CYP7B1: variants seen among roughly 807,000 people sequenced by gnomAD.
CYP7B1 encodes the protein cytochrome P450 7B1.
A neutral mutation model predicts 42.7 loss-of-function variants in CYP7B1; 29 were observed. The ratio of observed to expected loss-of-function variants is 0.68; its 90% CI spans 0.51 to 0.93. The LOEUF (loss-of-function observed/expected upper bound fraction) is 0.93. Among genes scored for constraint, CYP7B1 ranks in the 40% least tolerant of loss-of-function variants. CYP7B1 has a pLI of 0.00. For missense variants in CYP7B1, 655 were observed against 600.5 expected, an observed-to-expected ratio of 1.09 and a Z score of -0.95; for synonymous variants, 235 against 218.2, an observed-to-expected ratio of 1.08 and a Z score of -0.68.
chr8:64,620,028 T>TA (rs982292100), intron 2 of CYP7B1, among the ~76,000 whole-genome samples: 8 of 151,494 alleles, frequency 5.3e-5, no homozygotes, highest in Non-Finnish European at 8.8e-5. Flanking sequence ...CAAAAAACCT[T>TA]AAAAAAAATT....
At chr8:64,639,009 C>G (rs572922097) in intron 1 of CYP7B1, among the ~76,000 whole-genome samples, 2 of 152,180 alleles carry the variant, frequency 1.3e-5, no homozygotes, top group Admixed American at 1.3e-4. Context: ...TCTAGTGTCT[C>G]TCTCTCCTTC....
intron 5 of CYP7B1, among the ~76,000 whole-genome samples, chr8:64,602,087 C>T (rs939335314): frequency 6.6e-6 from 1 of 152,150 alleles, no homozygotes; most frequent in Non-Finnish European, 1.5e-5. Context: ...TGTACAGCTT[C>T]CTGTGTGCTA....
chr8:64,686,164 A>T (rs372534607), intron 1 of CYP7B1, among the ~76,000 whole-genome samples: 1,412 of 18,336 alleles, frequency 0.077, no homozygotes, highest in Middle Eastern at 0.12. Flanking sequence ...GCCTCTGCCC[A>T]GCCGCCCCTA....
chr8:64,605,058 C>T (rs1297936817), intron 4 of CYP7B1, among the ~76,000 whole-genome samples: 13 of 152,116 alleles, frequency 8.5e-5, no homozygotes, highest in Middle Eastern at 3.2e-3. Flanking sequence ...TCCAGCAAGG[C>T]TTGGGGGCAT....
chr8:64,596,985 A>G (rs1805129205), intron 5 of CYP7B1, 56 bp from the exon 6 acceptor site: 1 of 1,468,160 alleles, frequency 6.8e-7, no homozygotes, highest in African/African-American at 1.4e-5. Flanking sequence ...TTTGAGTTCA[A>G]GTCCACAAAG....
At chr8:64,770,396 T>TGA (rs1804202376) in intron 1 of CYP7B1, among the ~76,000 whole-genome samples, 3 of 152,296 alleles carry the variant, frequency 2.0e-5, no homozygotes, top group Non-Finnish European at 4.4e-5. Flanking sequence ...ATCTCAGAGC[T>TGA]GAGATATGAT....
intron 5 of CYP7B1, 57 bp downstream of exon 5, chr8:64,604,625 G>A (rs1805248250): frequency 6.2e-7 from 1 of 1,600,458 alleles, no homozygotes; most frequent in South Asian, 1.1e-5. Context: ...AGGGATGGAA[G>A]AGGAATGTGC....
chr8:64,716,221 C>A (rs1308156941), intron 1 of CYP7B1, among the ~76,000 whole-genome samples: 1 of 152,080 alleles, frequency 6.6e-6, no homozygotes, highest in African/African-American at 2.4e-5. Context: ...GTAAGAACTT[C>A]TTTGTGATAT....
intron 1 of CYP7B1, among the ~76,000 whole-genome samples, chr8:64,740,316 A>G (rs1214492943): frequency 1.3e-5 from 2 of 152,086 alleles, no homozygotes; most frequent in Admixed American, 6.5e-5. Flanking sequence ...ATTCCTAAAT[A>G]AAACATGGGT....
chr8:64,608,606 AAG>A (rs1805319171), intron 4 of CYP7B1, among the ~76,000 whole-genome samples: 1 of 150,106 alleles, frequency 6.7e-6, no homozygotes, highest in Admixed American at 6.6e-5. Context: ...GTGGTTATAA[AAG>A]GGGGAGAGGG....
intron 4 of CYP7B1, among the ~76,000 whole-genome samples, chr8:64,606,425 A>G (rs1805283567): frequency 6.6e-6 from 1 of 152,226 alleles, no homozygotes; most frequent in African/African-American, 2.4e-5. Flanking sequence ...GTGAAATGGT[A>G]GCTGACATAT....
chr8:64,704,894 G>GA (rs1252477416), intron 1 of CYP7B1, among the ~76,000 whole-genome samples: 1 of 151,912 alleles, frequency 6.6e-6, no homozygotes, highest in Admixed American at 6.6e-5. Context: ...CTTATTGGGG[G>GA]AAAAAATCAA....
chr8:64,643,825 C>G (rs967131082), intron 1 of CYP7B1, among the ~76,000 whole-genome samples: 5 of 152,270 alleles, frequency 3.3e-5, no homozygotes, highest in Admixed American at 1.3e-4. Context: ...TTCTGTTTCT[C>G]CATAACAAGC....
chr8:64,606,497 A>G (rs1188098054), intron 4 of CYP7B1, among the ~76,000 whole-genome samples: 1 of 152,238 alleles, frequency 6.6e-6, no homozygotes, highest in African/African-American at 2.4e-5. Flanking sequence ...CACAAAAGCA[A>G]AATAATTGTG....
chr8:64,657,680 T>A (rs1806140631), intron 1 of CYP7B1, among the ~76,000 whole-genome samples: 1 of 152,226 alleles, frequency 6.6e-6, no homozygotes, highest in African/African-American at 2.4e-5. Flanking sequence ...AGAGACATTA[T>A]AGAATGGAGA....
intron 4 of CYP7B1, among the ~76,000 whole-genome samples, chr8:64,607,870 C>T (rs1805305483): frequency 6.6e-6 from 1 of 152,072 alleles, no homozygotes; most frequent in Admixed American, 6.5e-5. Context: ...AATGCATTGT[C>T]GAAAAATGAC....
chr8:64,769,435 T>C (rs1804179246), intron 1 of CYP7B1, among the ~76,000 whole-genome samples: 1 of 152,324 alleles, frequency 6.6e-6, no homozygotes, highest in South Asian at 2.1e-4. Flanking sequence ...ATAAAGTCTA[T>C]AAAAGTTGAG....
chr8:64,631,991 T>A (rs1476172427), intron 1 of CYP7B1, among the ~76,000 whole-genome samples: 2 of 152,160 alleles, frequency 1.3e-5, no homozygotes, highest in Non-Finnish European at 2.9e-5. Flanking sequence ...GTGCAGCTGC[T>A]ATGAAGAACA....
chr8:64,724,781 C>T (rs1034084493), intron 1 of CYP7B1, among the ~76,000 whole-genome samples: 2 of 152,148 alleles, frequency 1.3e-5, no homozygotes, highest in African/African-American at 4.8e-5. Context: ...TCTCTGCCCT[C>T]CTGCCCTCCT....
Sources: gnomAD v4.1 joint callset for allele counts (sites outside exome capture counted in the v4.1 genomes callset) on GRCh38, gnomAD v4.1.1 for gene constraint, MANE v1.5 for transcripts, NCBI Gene and HGNC (gene_info 2026-07-23, HGNC 2026-07-21) for gene names.